The following ATP9B variants were observed in gnomAD, a reference collection of about 807,000 sequenced individuals.
ATP9B encodes ATPase phospholipid transporting 9B.
In ATP9B, 110 loss-of-function variants were observed where a neutral mutation model predicts 146.1. That is an observed-to-expected ratio of 0.75 (90% CI 0.65 to 0.88). The LOEUF (loss-of-function observed/expected upper bound fraction) is 0.88. ATP9B is among the 40% of genes least tolerant of loss of function. The pLI is 0.00. For synonymous variants in ATP9B, 604 were observed against 569.7 expected (o/e 1.06, Z -0.86); for missense variants, 1,499 against 1,496.4 (o/e 1.00, Z -0.03).
chr18:79,083,572 G>A (rs752116933), intron 1 of ATP9B, among the ~76,000 whole-genome samples: 24 of 152,166 alleles, frequency 1.6e-4, no homozygotes, highest in African/African-American at 4.6e-4. Flanking sequence ...TGCGGATTGC[G>A]AAGACCATGG....
intron 3 of ATP9B, among the ~76,000 whole-genome samples, chr18:79,110,888 C>A (rs1381196362): frequency 6.6e-6 from 1 of 152,130 alleles, no homozygotes; most frequent in East Asian, 1.9e-4. Flanking sequence ...AATGTTTAAA[C>A]CCTGCCAAGA....
intron 7 of ATP9B, among the ~76,000 whole-genome samples, chr18:79,173,013 G>A (rs764596008): frequency 9.9e-5 from 15 of 152,134 alleles, no homozygotes; most frequent in Non-Finnish European, 2.1e-4. Context: ...GGGACATCTA[G>A]TTTTGCCACA....
chr18:79,283,693 G>A (rs569136769), intron 13 of ATP9B, among the ~76,000 whole-genome samples: 14 of 152,312 alleles, frequency 9.2e-5, no homozygotes, highest in African/African-American at 2.2e-4. Context: ...TTCGACAAGC[G>A]TAGACATCTG....
At chr18:79,129,465 C>T (rs565495472) in intron 5 of ATP9B, among the ~76,000 whole-genome samples, 2 of 152,238 alleles carry the variant, frequency 1.3e-5, no homozygotes, top group South Asian at 4.1e-4. Flanking sequence ...GCTCCAAAGC[C>T]CAGGACAGGT....
intron 5 of ATP9B, among the ~76,000 whole-genome samples, chr18:79,136,524 T>C (rs2094449414): frequency 6.6e-6 from 1 of 152,250 alleles, no homozygotes; most frequent in African/African-American, 2.4e-5. Flanking sequence ...GTTTAGCCTT[T>C]ATTTCTTCAA....
At chr18:79,219,786 A>G (rs2095660998) in intron 11 of ATP9B, among the ~76,000 whole-genome samples, 1 of 152,186 alleles carries the variant, frequency 6.6e-6, no homozygotes, top group Admixed American at 6.5e-5. Flanking sequence ...CCTGAGGTTA[A>G]AAAATGCTTC....
intron 4 of ATP9B, among the ~76,000 whole-genome samples, chr18:79,118,304 A>G (rs1171078835): frequency 6.6e-6 from 1 of 151,866 alleles, no homozygotes; most frequent in East Asian, 1.9e-4. Context: ...TCATTTTCTA[A>G]TAAAAGCAGT....
At chr18:79,128,403 G>A (rs535062847) in intron 5 of ATP9B, among the ~76,000 whole-genome samples, 16 of 152,166 alleles carry the variant, frequency 1.1e-4, no homozygotes, top group Non-Finnish European at 2.4e-4. Flanking sequence ...TGTGTATGGG[G>A]TAAGGTGTGG....
At chr18:79,288,341 T>C (rs531142933) in intron 13 of ATP9B, among the ~76,000 whole-genome samples, 1 of 152,318 alleles carries the variant, frequency 6.6e-6, no homozygotes, top group South Asian at 2.1e-4. Context: ...TTAGCTCTTC[T>C]TGTTGACTTG....
chr18:79,365,125 G>A (rs2097018649), intron 26 of ATP9B, among the ~76,000 whole-genome samples: 1 of 152,146 alleles, frequency 6.6e-6, no homozygotes, highest in East Asian at 1.9e-4. Context: ...TTTGATAAAG[G>A]AGTTGTTTCT....
chr18:79,156,352 G>T (rs2094781238), intron 7 of ATP9B, among the ~76,000 whole-genome samples: 1 of 152,200 alleles, frequency 6.6e-6, no homozygotes, highest in South Asian at 2.1e-4. Flanking sequence ...AGAGCCAAAA[G>T]TCTGTATGCC....
At chr18:79,132,960 TTG>T (rs1445362387) in intron 5 of ATP9B, among the ~76,000 whole-genome samples, 10 of 152,258 alleles carry the variant, frequency 6.6e-5, no homozygotes, top group African/African-American at 2.4e-4. Flanking sequence ...TTGAGTTATC[TTG>T]TGTTTTATTT....
intron 11 of ATP9B, among the ~76,000 whole-genome samples, chr18:79,220,427 C>T (rs1411646622): frequency 2.6e-5 from 4 of 152,012 alleles, no homozygotes; most frequent in Admixed American, 2.0e-4. Context: ...ATGGCAAAAC[C>T]TGTCCCTACC....
intron 8 of ATP9B, among the ~76,000 whole-genome samples, chr18:79,184,530 G>T (rs371360620): frequency 4.0e-5 from 6 of 151,730 alleles, no homozygotes; most frequent in African/African-American, 1.5e-4. Context: ...AAATAAGTCT[G>T]TTCTATTATC....
At chr18:79,207,346 G>C (rs1235530190) in intron 10 of ATP9B, among the ~76,000 whole-genome samples, 1 of 152,226 alleles carries the variant, frequency 6.6e-6, no homozygotes, top group Non-Finnish European at 1.5e-5. Context: ...AGAAGAGCTT[G>C]GGAAGCCAGT....
chr18:79,092,167 C>G (rs1408751880), intron 1 of ATP9B, among the ~76,000 whole-genome samples: 1 of 152,176 alleles, frequency 6.6e-6, no homozygotes, highest in African/African-American at 2.4e-5. Flanking sequence ...AATACTTCCT[C>G]TAGATACTGA....
chr18:79,331,465 G>GT (rs937640651), intron 17 of ATP9B, among the ~76,000 whole-genome samples: 2 of 152,102 alleles, frequency 1.3e-5, no homozygotes, highest in African/African-American at 4.8e-5. Context: ...ATGTCAGAAT[G>GT]TTTTTCACAA....
At chr18:79,098,782 A>T (rs1221989847) in intron 2 of ATP9B, among the ~76,000 whole-genome samples, 1 of 152,040 alleles carries the variant, frequency 6.6e-6, no homozygotes, top group African/African-American at 2.4e-5. Flanking sequence ...CTAGTACTGG[A>T]TATGGTCACA....
At position 79,252,957 on chromosome 18, in the gene ATP9B, A is replaced by G. The variant is rs183788680; in HGVS notation, c.1108-424A>G. ...CCACACGGATAACAGAGGCATGGTCATGGCGTAGCACATGCAAGGAAGACC... is the reference window on the plus strand; with the variant it reads ...CCACACGGATAACAGAGGCATGGTCGTGGCGTAGCACATGCAAGGAAGACC... On this transcript the variant is annotated intron_variant, in intron 11 of 29. Transcript: ENST00000426216. 2.4e-4 allele frequency among the ~76,000 whole-genome samples: 37 copies of G among 152,370 alleles called. No homozygotes were observed. In the East Asian group the frequency reaches 5.6e-3, roughly 23 times the overall value.
Sources: gnomAD v4.1 joint callset for allele counts (sites outside exome capture counted in the v4.1 genomes callset) on GRCh38, gnomAD v4.1.1 for gene constraint, MANE v1.5 for transcripts, NCBI Gene and HGNC (gene_info 2026-07-23, HGNC 2026-07-21) for gene names.